Variants in TMEM176A observed in about 807,000 individuals in gnomAD.
The protein encoded by TMEM176A is transmembrane protein 176A.
A neutral mutation model predicts 27.9 loss-of-function variants in TMEM176A; 20 were observed. The observed-to-expected ratio is 0.72, with a 90% confidence interval of 0.50 to 1.04. The LOEUF (loss-of-function observed/expected upper bound fraction) is 1.04, where lower values mean the gene tolerates loss of function less well. Ranked by LOEUF, TMEM176A falls within the 50% of genes least tolerant of loss-of-function variation. TMEM176A has a pLI of 0.00. For synonymous variants in TMEM176A, 125 were observed against 118.0 expected, an observed-to-expected ratio of 1.06 and a Z score of -0.38; for missense variants, 252 against 289.1, an observed-to-expected ratio of 0.87 and a Z score of 0.93.
chr7:150,802,076 T>TTTCTCTTCTC (rs28364765), intron 2 of TMEM176A, 139 bp from the exon 3 acceptor site: 69,765 of 577,810 alleles, frequency 0.12, 4,698 homozygotes, highest in Non-Finnish European at 0.14. Flanking sequence ...TTCTTCTCCT[T>TTTCTCTTCTC]TTCTCTTCTC....
At chr7:150,804,073 G>A (rs1309608478) in intron 5 of TMEM176A, among the ~76,000 whole-genome samples, 2 of 152,222 alleles carry the variant, frequency 1.3e-5, no homozygotes, top group Non-Finnish European at 2.9e-5. Context: ...AGTGTGCCAA[G>A]TGCTGCAAAG....
rs1205224421 is a variant in TMEM176A at position 150,803,839 on chromosome 7, G to A, written c.555+7G>A. On this transcript the variant is annotated splice_region_variant and intron_variant, in intron 5 of 6. Transcript: ENST00000004103. ...CTTCATGGACATGCTGAAGGTAGGT[G>A]GCCAAGGGGAAGGGGCAGCAGCAGG... 2.5e-6 allele frequency: 4 copies of A among 1,613,302 alleles called. No individual in the cohort carries two copies. The highest frequency in any genetic ancestry group is 3.4e-6 in the Non-Finnish European group (4 of 1,179,708).
Position 150,803,644 on chromosome 7 carries a change from C to T in TMEM176A, c.367C>T (p.Leu123=). Residue 123 remains leucine (L), a synonymous_variant, in exon 5 of 7, where the codon CTG becomes TTG. Transcript: ENST00000004103. ...YWALLRTLLT[L]AAFSTAIAAL... The stretch of plus-strand genomic sequence containing the variant: ...GGCCCTGCTGAGGACTCTGCTAACG[C>T]TGGCAGCTTTCTCCACAGCCATCGC... 3 of 1,614,086 alleles carry T rather than the reference C, an allele frequency of 1.9e-6. No homozygotes were observed. The highest frequency in any genetic ancestry group is 2.5e-6 in the Non-Finnish European group (3 of 1,180,030).
At chr7:150,803,854 G>A (rs1584761200) in intron 5 of TMEM176A, 22 bp downstream of exon 5, 1 of 1,610,546 alleles carries the variant, frequency 6.2e-7, no homozygotes, top group Non-Finnish European at 8.5e-7. Flanking sequence ...AGGGGAAGGG[G>A]CAGCAGCAGG....
rs141661619 is a variant in TMEM176A at position 150,803,745 on chromosome 7, G to C, written c.468G>C (p.Ser156=). 272 of 1,614,112 alleles carry C rather than the reference G, an allele frequency of 1.7e-4. No individual in the cohort carries two copies. In the East Asian group the frequency reaches 4.3e-3, roughly 25 times the overall value. ...YYNSACRISS[S]SDWNTPAPTQ... ...ACAGTGCCTGCCGCATCTCCAGCTC[G>C]AGTGACTGGAACACTCCAGCCCCCA... The change falls in exon 5 of 7, where the codon TCG becomes TCC. Residue 156 remains serine (S), a synonymous_variant. Coordinates refer to ENST00000004103, the MANE Select transcript of TMEM176A (RefSeq NM_018487.3).
intron 1 of TMEM176A, 142 bp downstream of exon 1, chr7:150,800,970 T>A: frequency 1.0e-6 from 1 of 985,874 alleles, no homozygotes. Context: ...GGAAGCCAGG[T>A]GCGGCCCCGG....
chr7:150,801,498 C>A, intron 1 of TMEM176A, 38 bp from the exon 2 acceptor site: 1 of 1,534,222 alleles, frequency 6.5e-7, no homozygotes, highest in South Asian at 1.3e-5. Flanking sequence ...CGAAAATCTT[C>A]TGACAGCCGT....
Position 150,803,309 on chromosome 7 carries a change from G to A in TMEM176A, c.286-91G>A, listed in dbSNP as rs1298539697. On this transcript the variant is annotated intron_variant, in intron 3 of 6. Coordinates refer to ENST00000004103, the MANE Select transcript of TMEM176A (RefSeq NM_018487.3). ...GCATGAAACCTCCCGCCCAAGCTGTGTGCTGGGGAAGGGCCTGCATGGAGG... is the reference window on the plus strand; with the variant it reads ...GCATGAAACCTCCCGCCCAAGCTGTATGCTGGGGAAGGGCCTGCATGGAGG... 4.1e-6 allele frequency: 6 copies of A among 1,481,342 alleles called. No homozygotes were observed. The East Asian group carries it at 9.4e-5, about 23-fold the overall frequency. The allele number at this position is 1,481,342 out of a possible 1,614,324, so 91.8% of individuals were successfully genotyped here. A position where few individuals can be genotyped will look rare whatever the true frequency, so the allele number is the denominator to read the frequency against.
Position 150,802,078 on chromosome 7 carries a change from T to G in TMEM176A, c.175-137T>G, listed in dbSNP as rs1798813873. ...CTTCTCCTCCTCTTTCTTCTCCTTT[T>G]CTCTTCTCTTCTCTTCTCTTCTCTT... On this transcript the variant is annotated intron_variant, in intron 2 of 6. Transcript: ENST00000004103. 3.6e-5 allele frequency: 23 copies of G among 638,092 alleles called. 1 individual carries two copies. In the South Asian group the frequency reaches 4.4e-4, roughly 12 times the overall value. The allele number at this position is 638,092 out of a possible 1,614,324, so 39.5% of individuals were successfully genotyped here.
chr7:150,804,493 C>A, intron 6 of TMEM176A, 21 bp downstream of exon 6: 1 of 1,594,252 alleles, frequency 6.3e-7, no homozygotes, highest in Non-Finnish European at 8.6e-7. Flanking sequence ...AAGGTGTGTG[C>A]CTGTGTATTT....
Position 150,801,587 on chromosome 7 carries a change from GC to G in TMEM176A, c.41del (p.Pro14HisfsTer46), listed in dbSNP as rs749263216. On this transcript the variant is annotated frameshift_variant, in exon 2 of 7. Transcript: ENST00000004103. LOFTEE classifies it high-confidence loss of function. Reference protein sequence around the residue: ...TADSDEMAPEAPQHTHIDVHI... With the variant: ...TADSDEMAPEXPQHTHIDVHI... ...CGACAGTGATGAGATGGCCCCGGAG[GC>G]CCCACAGCACACCCACATCGATGTG... The G allele has an allele frequency of 1.9e-5, 31 of 1,611,182 alleles. No individual in the cohort carries two copies. The East Asian group carries it at 6.5e-4, about 34-fold the overall frequency.
chr7:150,804,432 C>T lies in TMEM176A; in HGVS notation c.626C>T (p.Pro209Leu), dbSNP rs1374480975. 2 of 1,614,074 alleles carry T rather than the reference C, an allele frequency of 1.2e-6. No individual in the cohort carries two copies. The highest frequency in any genetic ancestry group is 1.7e-6 in the Non-Finnish European group (2 of 1,180,012). The change falls in exon 6 of 7, where the codon CCT becomes CTT. Residue 209 changes from proline (P) to leucine (L), a missense_variant. Transcript: ENST00000004103. ...WILLLLASLT[P>L]LWLYCWRMFP... ...CTGCTGCTTCTGGCATCTCTGACCC[C>T]TCTGTGGCTGTACTGCTGGAGAATG...
intron 6 of TMEM176A, 44 bp downstream of exon 6, chr7:150,804,516 C>G (rs773032483): frequency 1.3e-6 from 2 of 1,530,890 alleles, no homozygotes; most frequent in Non-Finnish European, 1.8e-6. Flanking sequence ...GGCAGTGGAA[C>G]TGCTCAAAGG....
chr7:150,802,234 G>C lies in TMEM176A; in HGVS notation c.194G>C (p.Gly65Ala). ...TTTCAGGTGATGCAGATCGTGCTGG[G>C]GATCTTGAGTGCAGTCCTAGGAGGA... The part of the protein sequence containing the change: ...VASWVMQIVL[G>A]ILSAVLGGFF... Residue 65 changes from glycine (G) to alanine (A), a missense_variant, in exon 3 of 7, where the codon GGG becomes GCG. Coordinates refer to ENST00000004103, the MANE Select transcript of TMEM176A (RefSeq NM_018487.3). 1 of 1,614,018 alleles carries C rather than the reference G, an allele frequency of 6.2e-7. No homozygotes were observed. Among genetic ancestry groups the C allele is most frequent in the South Asian group, 1.1e-5 (1 of 91,072 alleles).
chr7:150,802,227 G>T lies in TMEM176A; in HGVS notation c.187G>T (p.Val63Leu), dbSNP rs746353587. ...CTTTGTCTTTCAGGTGATGCAGATC[G>T]TGCTGGGGATCTTGAGTGCAGTCCT... ...LLVASWVMQI[V>L]LGILSAVLGG... The change falls in exon 3 of 7, where the codon GTG becomes TTG. Residue 63 changes from valine (V) to leucine (L), a missense_variant. Physicochemically the swap from Val to Leu is conservative, Grantham distance 32. Transcript: ENST00000004103. 4 of 1,614,008 alleles carry T rather than the reference G, an allele frequency of 2.5e-6. No homozygotes were observed. In the South Asian group the frequency reaches 3.3e-5, roughly 13 times the overall value.
intron 3 of TMEM176A, chr7:150,803,083 C>T (rs1798850202): frequency 1.9e-6 from 2 of 1,057,490 alleles, no homozygotes; most frequent in African/African-American, 3.4e-5. Flanking sequence ...TGACTTTTAT[C>T]CACAGGATCC....
In TMEM176A at chr7:150,802,270, TC is replaced by T. The variant is rs1219604287; in HGVS notation, c.232del (p.Arg78AlafsTer40). On this transcript the variant is annotated frameshift_variant, in exon 3 of 7. Coordinates refer to ENST00000004103, the MANE Select transcript of TMEM176A (RefSeq NM_018487.3). LOFTEE classifies it high-confidence loss of function. ...LSAVLGGFFY[I>X]RDYTLLVTSG... ...GCAGTCCTAGGAGGATTTTTCTACA[TC>T]CGCGACTACACCCTCCTCGTCACCT... 7 of 1,612,798 alleles carry T rather than the reference TC, an allele frequency of 4.3e-6. No individual in the cohort carries two copies. In the Admixed American group the frequency reaches 1.2e-4, roughly 27 times the overall value.
chr7:150,802,105 T>TC (rs144087116), intron 2 of TMEM176A, 110 bp from the exon 3 acceptor site: 262 of 744,432 alleles, frequency 3.5e-4, no homozygotes, highest in Admixed American at 1.3e-3. Context: ...TCTTCTCTTC[T>TC]TTCTTTCTCT....
chr7:150,801,020 G>C (rs1214918302), intron 1 of TMEM176A, 192 bp downstream of exon 1: 8 of 983,974 alleles, frequency 8.1e-6, no homozygotes, highest in Non-Finnish European at 9.7e-6. Context: ...GTCCTTCACG[G>C]GGCAGGGGCG....
Sources: gnomAD v4.1 joint callset for allele counts (sites outside exome capture counted in the v4.1 genomes callset) on GRCh38, gnomAD v4.1.1 for gene constraint, MANE v1.5 for transcripts, NCBI Gene and HGNC (gene_info 2026-07-23, HGNC 2026-07-21) for gene names.